The following RAB3IL1 variants were observed in gnomAD, a reference collection of about 807,000 sequenced individuals.
The protein encoded by RAB3IL1 is guanine nucleotide exchange factor for Rab-3A.
In RAB3IL1, 37 loss-of-function variants were observed where a neutral mutation model predicts 49.2. The ratio of observed to expected loss-of-function variants is 0.75; its 90% confidence interval spans 0.58 to 0.99. The LOEUF is 0.99. Ranked by LOEUF, RAB3IL1 falls within the 50% of genes least tolerant of loss-of-function variation. RAB3IL1 has a pLI of 0.00. For synonymous variants in RAB3IL1, 193 were observed against 213.9 expected, an observed-to-expected ratio of 0.90 and a Z score of 0.85; for missense variants, 484 against 513.0, an observed-to-expected ratio of 0.94 and a Z score of 0.55.
the RAB3IL1 span, among the ~76,000 whole-genome samples, chr11:61,934,319 T>TATATACACAC: frequency 6.3e-5 from 8 of 126,556 alleles, no homozygotes; most frequent in South Asian, 2.5e-4. Flanking sequence ...TGAGTAAATA[T>TATATACACAC]ACACACACAC....
At chr11:61,941,182 T>C in the RAB3IL1 span, among the ~76,000 whole-genome samples, 303 of 151,174 alleles carry the variant, frequency 2.0e-3, no homozygotes, top group African/African-American at 7.0e-3. Context: ...CTATGAAAAA[T>C]TGTATGACAA....
chr11:61,911,310 G>C (rs1034886291), intron 1 of RAB3IL1, among the ~76,000 whole-genome samples: 1 of 152,206 alleles, frequency 6.6e-6, no homozygotes, highest in African/African-American at 2.4e-5. Flanking sequence ...AAAGGTGGCA[G>C]GAGCAGGAGG....
intron 1 of RAB3IL1, among the ~76,000 whole-genome samples, chr11:61,911,942 A>G (rs1939469873): frequency 6.6e-6 from 1 of 151,968 alleles, no homozygotes; most frequent in African/African-American, 2.4e-5. Flanking sequence ...CCCACAAAAT[A>G]AGAAGGAGAC....
the RAB3IL1 span, among the ~76,000 whole-genome samples, chr11:61,944,719 G>A: frequency 2.0e-5 from 3 of 152,120 alleles, no homozygotes; most frequent in Admixed American, 1.3e-4. Context: ...TTTTGGACAC[G>A]GAGTTTCGCT....
chr11:61,908,857 A>G (rs532592620), intron 1 of RAB3IL1, among the ~76,000 whole-genome samples: 1 of 152,294 alleles, frequency 6.6e-6, no homozygotes, highest in South Asian at 2.1e-4. Context: ...TTCTGCAAAC[A>G]GCTTGGACAA....
chr11:61,922,078 G>A (rs947768218), upstream of RAB3IL1, among the ~76,000 whole-genome samples: 1 of 151,964 alleles, frequency 6.6e-6, no homozygotes. Flanking sequence ...GCGTGGTGGC[G>A]GGCGCCTGTA....
intron 1 of RAB3IL1, among the ~76,000 whole-genome samples, chr11:61,914,148 C>T (rs1053511307): frequency 6.6e-6 from 1 of 152,234 alleles, no homozygotes; most frequent in Non-Finnish European, 1.5e-5. Flanking sequence ...GCCTTACAGG[C>T]AGGAGCCCAC....
intron 5 of RAB3IL1, among the ~76,000 whole-genome samples, chr11:61,905,702 C>A (rs1939151479): frequency 6.6e-6 from 1 of 152,154 alleles, no homozygotes; most frequent in Admixed American, 6.5e-5. Flanking sequence ...GAGGTGGAAG[C>A]CAGGATGGAG....
chr11:61,910,201 G>C (rs976116143), intron 1 of RAB3IL1, among the ~76,000 whole-genome samples: 1 of 152,206 alleles, frequency 6.6e-6, no homozygotes, highest in Non-Finnish European at 1.5e-5. Context: ...CCCCGCTGCA[G>C]GGGAAGGGCA....
intron 1 of RAB3IL1, among the ~76,000 whole-genome samples, chr11:61,910,587 C>G (rs1468285823): frequency 3.3e-5 from 5 of 152,218 alleles, no homozygotes; most frequent in African/African-American, 1.2e-4. Context: ...TAAGAGCAGT[C>G]CTGACCTGGT....
At chr11:61,939,629 CA>C in the RAB3IL1 span, among the ~76,000 whole-genome samples, 272 of 131,834 alleles carry the variant, frequency 2.1e-3, no homozygotes, top group Middle Eastern at 3.8e-3. Context: ...TTAGACTGAC[CA>C]AAAAAAAAAA....
intron 7 of RAB3IL1, among the ~76,000 whole-genome samples, chr11:61,904,267 G>A (rs1430336243): frequency 2.0e-5 from 3 of 152,036 alleles, no homozygotes; most frequent in African/African-American, 4.8e-5. Context: ...GTTATTTATT[G>A]GCAGGGGCAC....
At position 61,917,502 on chromosome 11, in the gene RAB3IL1, G is replaced by C. The variant is rs950883331; in HGVS notation, c.-135C>G. On this transcript the variant is annotated 5_prime_UTR_variant, in exon 1 of 10. Coordinates refer to ENST00000394836, the MANE Select transcript of RAB3IL1 (RefSeq NM_013401.4). ...TGTCAGCCCTGCCCGCGGCCGGTCA[G>C]TAGGTCTCAGACGCCTGGGCTCGCG... 22 of 1,133,084 alleles carry C rather than the reference G, an allele frequency of 1.9e-5. No homozygotes were observed. In the African/African-American group the frequency reaches 3.6e-4, roughly 19 times the overall value. The allele number at this position is 1,133,084 out of a possible 1,614,324, so 70.2% of individuals were successfully genotyped here.
Position 61,904,802 on chromosome 11 carries a change from C to T in RAB3IL1, c.738G>A (p.Arg246=). ...TLDKTCPFLE[R]VYREDVGPCL... is the part of the protein sequence containing the mutation. ...AGGGGCCCACGTCCTCTCGGTACAC[C>T]CTTTCCAGGAAGGGGCAGGTCTTGT... is the stretch of plus-strand genomic sequence containing the variant. Residue 246 remains arginine, a synonymous_variant, in exon 6 of 10, where the codon AGG becomes AGA. Coordinates refer to ENST00000394836, the MANE Select transcript of RAB3IL1 (RefSeq NM_013401.4). 2 of 1,611,734 alleles carry T rather than the reference C, an allele frequency of 1.2e-6. No individual in the cohort carries two copies. The highest frequency in any genetic ancestry group is 1.7e-6 in the Non-Finnish European group (2 of 1,179,326).
intron 1 of RAB3IL1, among the ~76,000 whole-genome samples, chr11:61,911,936 CA>C (rs1285416044): frequency 2.0e-5 from 3 of 152,194 alleles, no homozygotes; most frequent in Non-Finnish European, 4.4e-5. Flanking sequence ...CCCCGACCCA[CA>C]AAATAAGAAG....
chr11:61,939,052 G>A, the RAB3IL1 span, among the ~76,000 whole-genome samples: 2 of 151,728 alleles, frequency 1.3e-5, no homozygotes, highest in African/African-American at 2.4e-5. Context: ...CTTGAACAGT[G>A]CTAACTCTAC....
At chr11:61,935,344 C>T in the RAB3IL1 span, among the ~76,000 whole-genome samples, 2 of 150,072 alleles carry the variant, frequency 1.3e-5, no homozygotes, top group Non-Finnish European at 3.0e-5. Context: ...CGCTTGAACC[C>T]GTGTGGCAGA....
At chr11:61,917,808 C>T (rs924410734), upstream of RAB3IL1, among the ~76,000 whole-genome samples, 1 of 152,176 alleles carries the variant, frequency 6.6e-6, no homozygotes, top group African/African-American at 2.4e-5. Flanking sequence ...TTGGGCCACC[C>T]CTGCTCAAGA....
intron 8 of RAB3IL1, among the ~76,000 whole-genome samples, chr11:61,900,836 G>A (rs1460039538): frequency 2.0e-5 from 3 of 152,188 alleles, no homozygotes; most frequent in African/African-American, 7.2e-5. Flanking sequence ...AGGTGACATT[G>A]TTGAGCACGG....
Sources: gnomAD v4.1 joint callset for allele counts (sites outside exome capture counted in the v4.1 genomes callset) on GRCh38, gnomAD v4.1.1 for gene constraint, MANE v1.5 for transcripts, NCBI Gene and HGNC (gene_info 2026-07-23, HGNC 2026-07-21) for gene names.